Variants in RINT1 observed in about 807,000 individuals in gnomAD.
The protein encoded by RINT1 is RAD50 interactor 1.
RINT1 carries 75 observed loss-of-function variants against 97.7 expected under a neutral mutation model. The observed-to-expected ratio is 0.77, with a 90% CI of 0.64 to 0.93. The LOEUF is 0.93. Ranked by LOEUF, RINT1 falls within the 40% of genes least tolerant of loss-of-function variation. RINT1 has a pLI of 0.00. For synonymous variants in RINT1, 303 were observed against 326.3 expected, an observed-to-expected ratio of 0.93 and a Z score of 0.77; for missense variants, 892 against 925.2, an observed-to-expected ratio of 0.96 and a Z score of 0.47.
chr7:105,541,256 C>G (rs1184186984), intron 3 of RINT1, among the ~76,000 whole-genome samples: 1 of 151,696 alleles, frequency 6.6e-6, no homozygotes, highest in Non-Finnish European at 1.5e-5. Flanking sequence ...CTTGCCTTGG[C>G]CTCTCTAGAG....
At chr7:105,550,661 T>A (rs779844003) in intron 9 of RINT1, among the ~76,000 whole-genome samples, 175 bp downstream of exon 9, 2 of 152,188 alleles carry the variant, frequency 1.3e-5, no homozygotes, top group African/African-American at 2.4e-5. Flanking sequence ...GAAACTTCCA[T>A]TTTTCCTGAA....
chr7:105,552,591 C>A (rs1049378285), intron 10 of RINT1, among the ~76,000 whole-genome samples: 6 of 151,824 alleles, frequency 4.0e-5, no homozygotes, highest in Admixed American at 2.0e-4. Context: ...CTTCGTCAAC[C>A]ACTAGCCTGT....
intron 3 of RINT1, among the ~76,000 whole-genome samples, chr7:105,540,585 A>C (rs1790415861): frequency 6.6e-6 from 1 of 151,964 alleles, no homozygotes; most frequent in Non-Finnish European, 1.5e-5. Flanking sequence ...TTTAGTAGAG[A>C]CAGGGTTTCA....
intron 2 of RINT1, chr7:105,535,430 A>G (rs1790192046): frequency 8.3e-6 from 3 of 361,884 alleles, no homozygotes; most frequent in African/African-American, 2.1e-5. Context: ...GGTTTTCACC[A>G]TATTGGCCAG....
chr7:105,542,319 C>T (rs747283805), intron 3 of RINT1, 89 bp from the exon 4 acceptor site: 10 of 968,190 alleles, frequency 1.0e-5, no homozygotes, highest in Middle Eastern at 3.3e-4. Flanking sequence ...TGGGCAACAG[C>T]GTGAGATCCC....
chr7:105,534,322 G>A (rs1790145204), intron 2 of RINT1, among the ~76,000 whole-genome samples: 1 of 151,998 alleles, frequency 6.6e-6, no homozygotes, highest in East Asian at 1.9e-4. Flanking sequence ...ACCGTCCTCG[G>A]CCTTCCAAAG....
intron 4 of RINT1, among the ~76,000 whole-genome samples, chr7:105,546,573 G>A (rs1188747072): frequency 1.3e-5 from 2 of 152,068 alleles, no homozygotes; most frequent in Non-Finnish European, 2.9e-5. Context: ...TGAGCAATCC[G>A]TTCTTTAAAT....
Position 105,532,337 on chromosome 7 carries a change from G to T in RINT1, c.22G>T (p.Gly8Cys). 6.3e-7 allele frequency: 1 copy of T among 1,598,566 alleles called. No homozygotes were observed. Residue 8 changes from glycine (G) to cysteine (C), a missense_variant, in exon 1 of 15, where the codon GGC becomes TGC. Transcript: ENST00000257700. Reference sequence around the variant, plus strand: ...CGAGATGCTACCAGCCGGCGAGATCGGCGCCTCTCCTGCAGCCCCGGTGAG... The same window carrying T: ...CGAGATGCTACCAGCCGGCGAGATCTGCGCCTCTCCTGCAGCCCCGGTGAG... MLPAGEI[G>C]ASPAAPCCSE...
rs1481995497 is a variant in RINT1, at chr7:105,560,568, T to C, written c.1672-3165T>C. Among the ~76,000 whole-genome samples the C allele has an allele frequency of 4.6e-5, 7 of 152,272 alleles. No individual in the cohort carries two copies. The East Asian group carries it at 1.4e-3, about 29-fold the overall frequency. The stretch of plus-strand genomic sequence containing the variant: ...ATGTATAAAAAAATTAACCACCAGA[T>C]TTTATGGTTTGTTCGTTATCCATGA... On this transcript the variant is annotated intron_variant, in intron 11 of 14. Transcript: ENST00000257700.
chr7:105,565,137 A>G (rs1242219622), intron 12 of RINT1, 140 bp from the exon 13 acceptor site: 1 of 577,780 alleles, frequency 1.7e-6, no homozygotes, highest in Admixed American at 3.3e-5. Flanking sequence ...ATTTTCTGAT[A>G]GAGCTTTTAA....
intron 6 of RINT1, 50 bp from the exon 7 acceptor site, chr7:105,548,504 T>TGTATATTAG (rs1790778034): frequency 6.4e-7 from 1 of 1,567,616 alleles, no homozygotes; most frequent in South Asian, 1.1e-5. Flanking sequence ...CATATGTGTG[T>TGTATATTAG]GTATATTAGG....
intron 1 of RINT1, 98 bp downstream of exon 1, chr7:105,532,455 A>G: frequency 1.5e-6 from 2 of 1,358,218 alleles, no homozygotes; most frequent in Non-Finnish European, 2.0e-6. Flanking sequence ...TGGCCCTGTA[A>G]GCTTGTGAAG....
rs771726544 is a variant in RINT1 at position 105,548,560 on chromosome 7, ATTAC to A, written c.852_855del (p.Thr285SerfsTer25). ...CTTGACTTGATTATGTCAGAGATGA[ATTAC>A]TTACTGAGCCAAAGCAACTCCCAGA... On this transcript the variant is annotated frameshift_variant, in exon 7 of 15. Coordinates refer to ENST00000257700, the MANE Select transcript of RINT1 (RefSeq NM_021930.6). LOFTEE classifies it high-confidence loss of function. 1 of 1,614,038 alleles carries A rather than the reference ATTAC, an allele frequency of 6.2e-7. No individual in the cohort carries two copies. The highest frequency in any genetic ancestry group is 8.5e-7 in the Non-Finnish European group (1 of 1,179,958).
intron 4 of RINT1, among the ~76,000 whole-genome samples, chr7:105,544,834 T>G (rs1310067093): frequency 2.0e-5 from 3 of 152,170 alleles, no homozygotes; most frequent in Admixed American, 6.6e-5. Context: ...TAGAGCACAG[T>G]TATTTTTCTG....
At chr7:105,550,229 T>C in intron 8 of RINT1, 32 bp from the exon 9 acceptor site, 1 of 1,608,916 alleles carries the variant, frequency 6.2e-7, no homozygotes, top group Non-Finnish European at 8.5e-7. Flanking sequence ...TAACTTTTTA[T>C]TTACATACCT....
intron 11 of RINT1, 156 bp downstream of exon 11, chr7:105,555,383 C>T (rs1183651836): frequency 5.3e-6 from 3 of 564,606 alleles, no homozygotes; most frequent in Admixed American, 3.4e-5. Context: ...ACACATTTTT[C>T]TCAATCAAAT....
In RINT1 at chr7:105,547,868, C is replaced by T. The variant is rs1040016549; in HGVS notation, c.839+535C>T. Among the ~76,000 whole-genome samples the T allele has an allele frequency of 7.8e-4, 119 of 152,028 alleles. 1 individual carries two copies. Among genetic ancestry groups the T allele is most frequent in the Middle Eastern group, 3.4e-3 (1 of 294 alleles). On this transcript the variant is annotated intron_variant, in intron 6 of 14. Coordinates refer to ENST00000257700, the MANE Select transcript of RINT1 (RefSeq NM_021930.6). ...TCAGCCTCCCGAGTAGCTGGGATTACAGGCGTGCACCACTATGCCCAGCTA... is the reference window on the plus strand; with the variant it reads ...TCAGCCTCCCGAGTAGCTGGGATTATAGGCGTGCACCACTATGCCCAGCTA...
In RINT1 at chr7:105,565,741, G is replaced by C. The variant is rs1791699162; in HGVS notation, c.2186+93G>C. 7 of 811,066 alleles carry C rather than the reference G, an allele frequency of 8.6e-6. No individual in the cohort carries two copies. The East Asian group carries it at 1.7e-4, about 20-fold the overall frequency. 50.2% of individuals were successfully genotyped at this position (811,066 alleles called of 1,614,324 possible). On this transcript the variant is annotated intron_variant, in intron 14 of 14. Transcript: ENST00000257700. The stretch of plus-strand genomic sequence containing the variant: ...TTTAGGGTTCTGGAGATGTTTGGGT[G>C]GGATAAGATCAGTTGAAATTTTAAA...
In RINT1 at chr7:105,547,260, C is replaced by G. The variant is rs144994876; in HGVS notation, c.766C>G (p.Arg256Gly). ...PPQSQTVGLS[R>G]PASAPEIYSY... is the part of the protein sequence containing the mutation. ...TCAATCACAAACTGTTGGCTTAAGT[C>G]GACCTGCCAGTGCCCCGGAGATATA... The change falls in exon 6 of 15, where the codon CGA (arginine) becomes GGA (glycine). Residue 256 changes from arginine (R) to glycine (G), a missense_variant. Transcript: ENST00000257700. 2.6e-4 allele frequency: 413 copies of G among 1,614,022 alleles called. 1 individual carries two copies. The highest frequency in any genetic ancestry group is 3.2e-4 in the Non-Finnish European group (372 of 1,180,008).
Sources: gnomAD v4.1 joint callset for allele counts (sites outside exome capture counted in the v4.1 genomes callset) on GRCh38, gnomAD v4.1.1 for gene constraint, MANE v1.5 for transcripts, NCBI Gene and HGNC (gene_info 2026-07-23, HGNC 2026-07-21) for gene names.